Variants in SEPTIN7 observed in about 807,000 individuals in gnomAD.
SEPTIN7 encodes the protein septin 7.
SEPTIN7 carries 10 observed loss-of-function variants against 63.3 expected under a neutral mutation model. That is an observed-to-expected ratio of 0.16 (90% CI 0.10 to 0.27). The LOEUF (loss-of-function observed/expected upper bound fraction) is 0.27, where lower values mean the gene tolerates loss of function less well. Among genes scored for constraint, SEPTIN7 ranks in the 10% least tolerant of loss-of-function variants. The probability of loss-of-function intolerance (pLI) is 1.00; values close to 1 mark genes in which losing one functional copy is unlikely to be tolerated. For synonymous variants in SEPTIN7, 131 were observed against 165.3 expected, an observed-to-expected ratio of 0.79 and a Z score of 1.59; for missense variants, 310 against 521.0, an observed-to-expected ratio of 0.59 and a Z score of 3.94.
At chr7:35,839,970 G>C (rs2115959648) in intron 3 of SEPTIN7, among the ~76,000 whole-genome samples, 1 of 152,318 alleles carries the variant, frequency 6.6e-6, no homozygotes, top group South Asian at 2.1e-4. Context: ...TATGTTGGCA[G>C]ACAGAGGGCA....
intron 3 of SEPTIN7, among the ~76,000 whole-genome samples, chr7:35,845,054 T>C (rs1784591061): frequency 6.6e-6 from 1 of 151,992 alleles, no homozygotes; most frequent in Non-Finnish European, 1.5e-5. Flanking sequence ...TGAGACCCCA[T>C]TTCTAAAAAA....
chr7:35,847,717 A>T (rs1784754220), intron 3 of SEPTIN7, among the ~76,000 whole-genome samples: 1 of 152,232 alleles, frequency 6.6e-6, no homozygotes, highest in African/African-American at 2.4e-5. Flanking sequence ...TTAAAAATAA[A>T]TGAGTACAGT....
chr7:35,899,751 G>T (rs62454465), intron 12 of SEPTIN7: 78,460 of 151,770 alleles, frequency 0.52, 21,968 homozygotes, highest in Admixed American at 0.63. Flanking sequence ...GGGCATGATG[G>T]CCTGCACCTA....
At chr7:35,855,322 C>A (rs79395651) in intron 3 of SEPTIN7, among the ~76,000 whole-genome samples, 3 of 152,060 alleles carry the variant, frequency 2.0e-5, no homozygotes, top group South Asian at 2.1e-4. Context: ...GATGGATGTT[C>A]GTAGTTACAA....
At chr7:35,828,737 A>G (rs990056817) in intron 1 of SEPTIN7, among the ~76,000 whole-genome samples, 5 of 151,972 alleles carry the variant, frequency 3.3e-5, no homozygotes, top group Admixed American at 6.6e-5. Context: ...TAGTATCTGC[A>G]TGGCGATGAT....
chr7:35,805,373 G>A (rs1788265253), intron 1 of SEPTIN7, among the ~76,000 whole-genome samples: 3 of 152,102 alleles, frequency 2.0e-5, no homozygotes, highest in Admixed American at 2.0e-4. Flanking sequence ...AAGTGGAAAT[G>A]GAATAAGAAA....
At chr7:35,853,703 T>C (rs921528935) in intron 3 of SEPTIN7, among the ~76,000 whole-genome samples, 4 of 152,218 alleles carry the variant, frequency 2.6e-5, no homozygotes, top group Admixed American at 6.5e-5. Flanking sequence ...GTCTTTCTTA[T>C]AGTTATTGAA....
chr7:35,831,914 A>C, intron 2 of SEPTIN7: 1 of 305,452 alleles, frequency 3.3e-6, no homozygotes, highest in Non-Finnish European at 6.3e-6. Context: ...TTTTAAGAGA[A>C]TGTGTGCCTC....
Position 35,801,079 on chromosome 7 carries a change from G to C in SEPTIN7, c.-131G>C. On this transcript the variant is annotated 5_prime_UTR_variant, in exon 1 of 14. Coordinates refer to ENST00000350320, the MANE Select transcript of SEPTIN7 (RefSeq NM_001788.6). ...GGGAGTCGAGCGAGAGCCTGTGGAG[G>C]AGTCCGCCTGCTGTAGCGTGCGTAA... 1.6e-6 allele frequency: 1 copy of C among 608,656 alleles called. No homozygotes were observed. Among genetic ancestry groups the C allele is most frequent in the East Asian group, 3.5e-5 (1 of 28,708 alleles). 37.7% of individuals were successfully genotyped at this position (608,656 alleles called of 1,614,324 possible).
intron 1 of SEPTIN7, among the ~76,000 whole-genome samples, chr7:35,809,952 T>C (rs1352547918): frequency 6.6e-6 from 1 of 152,124 alleles, no homozygotes; most frequent in Non-Finnish European, 1.5e-5. Context: ...GGGATGGTTG[T>C]AAGGTGTTAG....
rs765309808 is a variant in SEPTIN7, at chr7:35,832,942, T to G, written c.169+42T>G. 5.6e-6 allele frequency: 6 copies of G among 1,079,768 alleles called. 1 individual carries two copies. The highest frequency in any genetic ancestry group is 1.5e-5 in the African/African-American group (1 of 64,596). 66.9% of individuals were successfully genotyped at this position (1,079,768 alleles called of 1,614,324 possible). ...TACTAAAATGGAACTTTGGTTTAAG[T>G]TTTAAACGTTAGTCAACTCTGAATA... On this transcript the variant is annotated intron_variant, in intron 3 of 13. Coordinates refer to ENST00000350320, the MANE Select transcript of SEPTIN7 (RefSeq NM_001788.6).
intron 3 of SEPTIN7, among the ~76,000 whole-genome samples, chr7:35,858,555 A>G (rs914880710): frequency 6.6e-5 from 10 of 151,410 alleles, no homozygotes; most frequent in African/African-American, 2.2e-4. Flanking sequence ...GTGGTTTCAC[A>G]TTGTTGGCCA....
At chr7:35,909,301 A>G (rs1351341024), downstream of SEPTIN7, among the ~76,000 whole-genome samples, 4 of 152,194 alleles carry the variant, frequency 2.6e-5, no homozygotes, top group African/African-American at 9.7e-5. Flanking sequence ...GGTGCCAGGA[A>G]CTCAAATTGG....
Position 35,812,404 on chromosome 7 carries a change from T to A in SEPTIN7, c.61+11134T>A, listed in dbSNP as rs1361578584. 2.0e-5 allele frequency among the ~76,000 whole-genome samples: 3 copies of A among 150,836 alleles called. No homozygotes were observed. In the East Asian group the frequency reaches 5.9e-4, roughly 30 times the overall value. On this transcript the variant is annotated intron_variant, in intron 1 of 13. Transcript: ENST00000350320. ...CCCCTTTCTTTTTGAAAGCTAAACA[T>A]GTGGTCAACACAGAGGAAATGCAGA...
At chr7:35,879,195 T>C (rs762312524) in intron 6 of SEPTIN7, among the ~76,000 whole-genome samples, 22 of 152,182 alleles carry the variant, frequency 1.4e-4, no homozygotes, top group Non-Finnish European at 2.5e-4. Context: ...AAGATTATCT[T>C]GTGAGCATCT....
the SEPTIN7 span, among the ~76,000 whole-genome samples, chr7:35,915,273 A>G: frequency 8.5e-5 from 13 of 152,066 alleles, no homozygotes; most frequent in Admixed American, 2.0e-4. Context: ...ATATATATAC[A>G]CACACACATG....
chr7:35,838,074 G>T (rs1048902797), intron 3 of SEPTIN7, among the ~76,000 whole-genome samples: 1 of 151,964 alleles, frequency 6.6e-6, no homozygotes, highest in Admixed American at 6.6e-5. Context: ...TTTATAAATG[G>T]TGTGTTCCAG....
intron 11 of SEPTIN7, among the ~76,000 whole-genome samples, chr7:35,895,705 C>T (rs1787919595): frequency 6.6e-6 from 1 of 152,140 alleles, no homozygotes; most frequent in Non-Finnish European, 1.5e-5. Flanking sequence ...TTTTAGCATG[C>T]TTTACTTTAA....
chr7:35,913,099 C>T, the SEPTIN7 span, among the ~76,000 whole-genome samples: 9 of 152,216 alleles, frequency 5.9e-5, no homozygotes, highest in South Asian at 8.3e-4. Context: ...AATACCTAGC[C>T]AGTAGGGGTG....
Sources: allele counts gnomAD v4.1 joint callset (sites outside exome capture counted in the v4.1 genomes callset), GRCh38; gene constraint gnomAD v4.1.1; transcripts MANE v1.5; gene names NCBI Gene and HGNC (gene_info 2026-07-23, HGNC 2026-07-21).